Variants in PIKFYVE observed in about 807,000 individuals in gnomAD.
The protein encoded by PIKFYVE is phosphoinositide kinase, FYVE-type zinc finger containing.
A neutral mutation model predicts 257.9 loss-of-function variants in PIKFYVE; 122 were observed. The observed-to-expected ratio is 0.47, with a 90% confidence interval of 0.41 to 0.55. The LOEUF is 0.55. Among genes scored for constraint, PIKFYVE ranks in the 20% least tolerant of loss-of-function variants. PIKFYVE has a pLI of 0.00. For missense variants in PIKFYVE, 2,160 were observed against 2,536.6 expected, an observed-to-expected ratio of 0.85 and a Z score of 3.19; for synonymous variants, 892 against 868.9, an observed-to-expected ratio of 1.03 and a Z score of -0.47.
chr2:208,275,559 T>C (rs1156831612), intron 3 of PIKFYVE, among the ~76,000 whole-genome samples: 1 of 152,264 alleles, frequency 6.6e-6, no homozygotes, highest in African/African-American at 2.4e-5. Flanking sequence ...AATTAAGATA[T>C]AACTTTATAG....
At chr2:208,333,985 T>G (rs1697848297) in intron 24 of PIKFYVE, among the ~76,000 whole-genome samples, 1 of 152,194 alleles carries the variant, frequency 6.6e-6, no homozygotes, top group African/African-American at 2.4e-5. Flanking sequence ...TGATGGCATC[T>G]GAAAGTCTGT....
chr2:208,354,216 A>C, intron 40 of PIKFYVE, 57 bp downstream of exon 40: 1 of 1,565,294 alleles, frequency 6.4e-7, no homozygotes. Context: ...TCAAATTTTA[A>C]AGATTCTATT....
Position 208,350,917 on chromosome 2 carries a change from A to G in PIKFYVE, c.5581A>G (p.Lys1861Glu). The G allele has an allele frequency of 6.2e-7, 1 of 1,614,164 alleles. No homozygotes were observed. Among genetic ancestry groups the G allele is most frequent in the Non-Finnish European group, 8.5e-7 (1 of 1,180,032 alleles). ...ATCACCCTGGCAGGCCCGGGGAGGC[A>G]AATCAGGAGCTGCCTTCTATGCAAC... ...HSSPWQARGG[K>E]SGAAFYATED... is the part of the protein sequence containing the mutation. The change falls in exon 37 of 42, where the codon AAA (lysine) becomes GAA (glutamate). Residue 1861 changes from lysine (K) to glutamate (E), a missense_variant. Physicochemically the swap from Lys to Glu is moderately conservative, Grantham distance 56. Around this residue, in one of 12 missense-constraint regions of PIKFYVE, gnomAD observed 699 missense variants for 855.8 expected, o/e 0.82. Transcript: ENST00000264380.
intron 32 of PIKFYVE, among the ~76,000 whole-genome samples, chr2:208,342,904 C>G (rs1043188369): frequency 1.3e-5 from 2 of 149,198 alleles, no homozygotes; most frequent in Non-Finnish European, 3.0e-5. Context: ...AAGCAGTTCT[C>G]CTGCCTCAGC....
rs1698548507 is a variant in PIKFYVE, at chr2:208,339,991, T to TA, written c.4811-19dup. On this transcript the variant is annotated intron_variant, in intron 30 of 41. Coordinates refer to ENST00000264380, the MANE Select transcript of PIKFYVE (RefSeq NM_015040.4). ...TTCTCTGTGAATATTAATATATAAG[T>TA]AGACTATTTTTCATTTTAGATGTGT... The TA allele has an allele frequency of 1.9e-6, 3 of 1,609,598 alleles. No individual in the cohort carries two copies. Among genetic ancestry groups the TA allele is most frequent in the Non-Finnish European group, 2.6e-6 (3 of 1,176,038 alleles).
chr2:208,285,223 G>A (rs531396276), intron 5 of PIKFYVE, among the ~76,000 whole-genome samples: 1 of 152,222 alleles, frequency 6.6e-6, no homozygotes, highest in African/African-American at 2.4e-5. Flanking sequence ...ACCCTCCTGA[G>A]TAGCTGGGAT....
chr2:208,339,962 C>G (rs752127751), intron 30 of PIKFYVE, 49 bp from the exon 31 acceptor site: 6 of 1,586,542 alleles, frequency 3.8e-6, no homozygotes, highest in Non-Finnish European at 5.2e-6. Context: ...GTTTATACTT[C>G]TTATTCTCTG....
chr2:208,345,347 A>G (rs1377380028), intron 33 of PIKFYVE, among the ~76,000 whole-genome samples, 153 bp downstream of exon 33: 1 of 152,172 alleles, frequency 6.6e-6, no homozygotes, highest in Non-Finnish European at 1.5e-5. Context: ...TGAGACAACA[A>G]AGCTCAAATA....
chr2:208,267,661 C>T (rs1234283249), intron 1 of PIKFYVE, among the ~76,000 whole-genome samples: 7 of 152,192 alleles, frequency 4.6e-5, no homozygotes, highest in East Asian at 1.9e-4. Flanking sequence ...CGCGCGACAC[C>T]ACACTCGGCT....
At chr2:208,338,622 T>C in intron 29 of PIKFYVE, 54 bp downstream of exon 29, 2 of 1,546,758 alleles carry the variant, frequency 1.3e-6, no homozygotes, top group Middle Eastern at 1.7e-4. Flanking sequence ...AAATTTCTTA[T>C]TGTATAAGTT....
chr2:208,335,564 C>T lies in PIKFYVE; in HGVS notation c.4256+145C>T, dbSNP rs565952534. 8.6e-5 allele frequency: 70 copies of T among 813,704 alleles called. No individual in the cohort carries two copies. In the South Asian group the frequency reaches 8.8e-4, roughly 10 times the overall value. The allele number at this position is 813,704 out of a possible 1,614,324, so 50.4% of individuals were successfully genotyped here. ...TGGTGTACAAAAAGAAAATTGTAGA[C>T]GCTATGGAAAGATAATAAAAAAGAA... On this transcript the variant is annotated intron_variant, in intron 25 of 41. Transcript: ENST00000264380.
chr2:208,299,287 TTTA>T (rs555919805), intron 8 of PIKFYVE, among the ~76,000 whole-genome samples: 1 of 151,066 alleles, frequency 6.6e-6, no homozygotes, highest in African/African-American at 2.5e-5. Flanking sequence ...TCTTTCTTTC[TTTA>T]TTATTATTAT....
Position 208,342,621 on chromosome 2 carries a change from C to A in PIKFYVE, c.4999C>A (p.Pro1667Thr). ...GCCCATTGCAGTCTGCGAGAAGGAA[C>A]CCAGCTCCATCATTGCTTTTGCTCT... ...RVPIAVCEKEPSSIIAFALSC... is the reference protein window; with the variant it reads ...RVPIAVCEKETSSIIAFALSC... The change falls in exon 32 of 42, where the codon CCC becomes ACC. Residue 1667 changes from proline to threonine, a missense_variant. Pro to Thr is a conservative substitution (Grantham distance 38). Transcript: ENST00000264380. The A allele has an allele frequency of 1.2e-6, 2 of 1,613,150 alleles. No individual in the cohort carries two copies. The highest frequency in any genetic ancestry group is 1.7e-6 in the Non-Finnish European group (2 of 1,179,176).
chr2:208,276,714 A>G lies in PIKFYVE; in HGVS notation c.325A>G (p.Thr109Ala). 3.1e-6 allele frequency: 5 copies of G among 1,612,324 alleles called. No homozygotes were observed. Among genetic ancestry groups the G allele is most frequent in the Non-Finnish European group, 4.2e-6 (5 of 1,178,412 alleles). ...GCTTTTTTTTTAATCCAACTCAGAC[A>G]CAAGAAGGAAAGCAGAACCTACCTT... The part of the protein sequence containing the change: ...ELQRRSSALD[T>A]RRKAEPTFGG... The change falls in exon 4 of 42, where the codon ACA becomes GCA. Residue 109 changes from threonine to alanine, a missense_variant and splice_region_variant. Transcript: ENST00000264380.
chr2:208,333,644 C>A, intron 24 of PIKFYVE, 151 bp downstream of exon 24: 2 of 838,342 alleles, frequency 2.4e-6, no homozygotes, highest in South Asian at 3.1e-5. Context: ...GTATTAAGAA[C>A]TTTCAGTATT....
At chr2:208,342,957 G>A (rs527543096) in intron 32 of PIKFYVE, among the ~76,000 whole-genome samples, 1 of 152,018 alleles carries the variant, frequency 6.6e-6, no homozygotes, top group East Asian at 1.9e-4. Context: ...ACCATGCCCA[G>A]CTAATTTTTG....
intron 13 of PIKFYVE, among the ~76,000 whole-genome samples, chr2:208,313,182 C>G (rs1450190000): frequency 6.6e-6 from 1 of 152,096 alleles, no homozygotes; most frequent in Non-Finnish European, 1.5e-5. Flanking sequence ...GTAAGCATTT[C>G]CCACTTCTTT....
rs376773052 is a variant in PIKFYVE at position 208,267,502 on chromosome 2, G to GTTTTTT, written c.-10+1102_-10+1107dup. 4.5e-3 allele frequency among the ~76,000 whole-genome samples: 490 copies of GTTTTTT among 109,092 alleles called. 44 individuals carry two copies. The highest frequency in any genetic ancestry group is 0.013 in the Middle Eastern group (2 of 154). The allele number at this position is 109,092 out of a possible 152,430, so 71.6% of individuals were successfully genotyped here. On this transcript the variant is annotated intron_variant, in intron 1 of 41. Transcript: ENST00000264380. The stretch of plus-strand genomic sequence containing the variant: ...GCTTTCCTAAATTATTACATTGCCA[G>GTTTTTT]TTTTTTTTTTTTTTTTTTTTGAGAG...
intron 7 of PIKFYVE, among the ~76,000 whole-genome samples, chr2:208,292,179 T>G (rs905942941): frequency 6.6e-6 from 1 of 152,172 alleles, no homozygotes; most frequent in African/African-American, 2.4e-5. Flanking sequence ...GTATGATTTC[T>G]ACTCTTAAAT....
Sources: gnomAD v4.1 joint callset for allele counts (sites outside exome capture counted in the v4.1 genomes callset) on GRCh38, gnomAD v4.1.1 for gene constraint, gnomAD v4.1.1 regional missense constraint, MANE v1.5 for transcripts, NCBI Gene and HGNC (gene_info 2026-07-23, HGNC 2026-07-21) for gene names.